The following UVSSA variants were observed in gnomAD, a reference collection of about 807,000 sequenced individuals.
UVSSA encodes UV-stimulated scaffold protein A.
A neutral mutation model predicts 73.9 loss-of-function variants in UVSSA; 72 were observed. The observed-to-expected ratio is 0.97, with a 90% CI of 0.81 to 1.19. The LOEUF (loss-of-function observed/expected upper bound fraction) is 1.19. UVSSA is among the 50% of genes most tolerant of loss of function. The pLI is 0.00. For missense variants in UVSSA, 1,150 were observed against 965.0 expected (o/e 1.19, Z -2.54); for synonymous variants, 454 against 391.3 (o/e 1.16, Z -1.89).
chr4:1,358,982 T>C (rs1050167286), intron 7 of UVSSA: 4 of 152,286 alleles, frequency 2.6e-5, no homozygotes, highest in Non-Finnish European at 4.4e-5. Context: ...GTCCTCGTGC[T>C]GTCTCCGGCC....
At chr4:1,355,297 A>G in intron 7 of UVSSA, 52 bp downstream of exon 7, 2 of 1,428,692 alleles carry the variant, frequency 1.4e-6, no homozygotes, top group Admixed American at 2.1e-5. Context: ...TCAGTGGGGG[A>G]GGAGAAGCTG....
At chr4:1,379,751 TG>T (rs1156415570) in intron 10 of UVSSA, among the ~76,000 whole-genome samples, 1 of 149,784 alleles carries the variant, frequency 6.7e-6, no homozygotes, top group African/African-American at 2.5e-5. Context: ...GTCGCGCGGC[TG>T]GTTCACGTGG....
chr4:1,378,456 C>T (rs541910452), intron 10 of UVSSA, among the ~76,000 whole-genome samples: 5 of 152,232 alleles, frequency 3.3e-5, no homozygotes, highest in East Asian at 3.9e-4. Context: ...GAGACTGAGG[C>T]GGGAGAATCG....
downstream of UVSSA, chr4:1,392,566 C>G (rs1720432626): frequency 6.6e-6 from 1 of 152,074 alleles, no homozygotes; most frequent in South Asian, 2.1e-4. Context: ...CTTGGTTGGC[C>G]CTCTTTTTCT....
chr4:1,353,425 C>T lies in UVSSA; in HGVS notation c.934+12C>T, dbSNP rs559247463. On this transcript the variant is annotated intron_variant, in intron 5 of 13. Transcript: ENST00000389851. ...GGAGCTCTGCTCAGGTAACTGCCTTCGCGGGGTCTCTGTGGCGCCACCCTG... is the reference window on the plus strand; with the variant it reads ...GGAGCTCTGCTCAGGTAACTGCCTTTGCGGGGTCTCTGTGGCGCCACCCTG... 101 of 1,474,950 alleles carry T rather than the reference C, an allele frequency of 6.8e-5. No individual in the cohort carries two copies. The East Asian group carries it at 9.2e-4, about 13-fold the overall frequency. The allele number at this position is 1,474,950 out of a possible 1,614,324, so 91.4% of individuals were successfully genotyped here.
Position 1,376,013 on chromosome 4 carries a change from T to A in UVSSA, c.1434-21T>A, listed in dbSNP as rs1370100959. On this transcript the variant is annotated intron_variant, in intron 9 of 13. Coordinates refer to ENST00000389851, the MANE Select transcript of UVSSA (RefSeq NM_020894.4). ...GGTGGCACCAGCAGCACCGTCAGGC[T>A]GTCCCACTCTGCTCCTGTAGCCCCT... 5 of 1,579,578 alleles carry A rather than the reference T, an allele frequency of 3.2e-6. No homozygotes were observed. The East Asian group carries it at 1.2e-4, about 37-fold the overall frequency.
intron 4 of UVSSA, 42 bp from the exon 5 acceptor site, chr4:1,352,988 C>T (rs1173563676): frequency 1.9e-6 from 3 of 1,563,322 alleles, no homozygotes; most frequent in East Asian, 2.3e-5. Context: ...GGTGCTTTTG[C>T]TCCACATAGC....
At chr4:1,353,722 C>G (rs1474345479) in intron 5 of UVSSA, among the ~76,000 whole-genome samples, 1 of 152,176 alleles carries the variant, frequency 6.6e-6, no homozygotes, top group Admixed American at 6.5e-5. Context: ...TGTTGCGGTC[C>G]TCAAAGGATG....
At chr4:1,380,261 T>C in intron 11 of UVSSA, 31 bp downstream of exon 11, 1 of 1,595,766 alleles carries the variant, frequency 6.3e-7, no homozygotes, top group Non-Finnish European at 8.6e-7. Context: ...CGGGGGTGGG[T>C]GTGGGCTGGA....
intron 7 of UVSSA, among the ~76,000 whole-genome samples, chr4:1,355,582 C>T (rs1715605417): frequency 6.6e-6 from 1 of 152,230 alleles, no homozygotes; most frequent in Non-Finnish European, 1.5e-5. Context: ...AGTGCGGCAC[C>T]TGTCCTGGCA....
intron 8 of UVSSA, 70 bp from the exon 9 acceptor site, chr4:1,375,294 C>T: frequency 6.3e-7 from 1 of 1,592,160 alleles, no homozygotes; most frequent in East Asian, 2.2e-5. Flanking sequence ...GTCCTAACTG[C>T]CCGGTCTTGC....
In UVSSA at chr4:1,395,746, C is replaced by T. The variant is rs375041221; in HGVS notation, c.*9785C>T. 1.0e-4 allele frequency: 164 copies of T among 1,614,214 alleles called. No homozygotes were observed. Among genetic ancestry groups the T allele is most frequent in the South Asian group, 8.9e-4 (81 of 91,084 alleles). ...TGGTTCTGTAGGTTTCCTGTCCTGCCGGCCGAGTCAGACGCTGTTACCGTA... is the reference window on the plus strand; with the variant it reads ...TGGTTCTGTAGGTTTCCTGTCCTGCTGGCCGAGTCAGACGCTGTTACCGTA... On this transcript the variant is annotated 3_prime_UTR_variant, in exon 14 of 14. Transcript: ENST00000511216.
intron 10 of UVSSA, among the ~76,000 whole-genome samples, chr4:1,377,472 C>T (rs565240901): frequency 2.2e-4 from 34 of 152,260 alleles, no homozygotes; most frequent in Admixed American, 1.1e-3. Flanking sequence ...GCAGGCTGCT[C>T]AGCGGCCGGA....
At chr4:1,342,559 T>TA (rs561609258), upstream of UVSSA, among the ~76,000 whole-genome samples, 83 of 150,094 alleles carry the variant, frequency 5.5e-4, no homozygotes, top group Admixed American at 2.5e-3. Context: ...TTCTATGTTC[T>TA]AAAAAAAAAA....
Position 1,386,026 on chromosome 4 carries a change from A to G in UVSSA, c.*65A>G. 3 of 1,548,824 alleles carry G rather than the reference A, an allele frequency of 1.9e-6. No homozygotes were observed. The highest frequency in any genetic ancestry group is 2.2e-5 in the East Asian group (1 of 44,548). On this transcript the variant is annotated 3_prime_UTR_variant, in exon 14 of 14. Transcript: ENST00000389851. ...CTCTGCCAGTGTCTCAGGACAGCAG[A>G]GTGGGCGTGGGTCTGGGCAGTAACC...
At chr4:1,371,666 G>A (rs1718053414) in intron 8 of UVSSA, among the ~76,000 whole-genome samples, 1 of 152,154 alleles carries the variant, frequency 6.6e-6, no homozygotes, top group Non-Finnish European at 1.5e-5. Flanking sequence ...GCAGGGAGAG[G>A]GCTTGTGCGG....
intron 6 of UVSSA, 107 bp from the exon 7 acceptor site, chr4:1,355,010 T>C: frequency 6.5e-7 from 1 of 1,542,652 alleles, no homozygotes; most frequent in East Asian, 2.3e-5. Flanking sequence ...ATCCCAGGTG[T>C]GCCAGGGACC....
chr4:1,380,374 G>A lies in UVSSA; in HGVS notation c.1752+144G>A, dbSNP rs747758814. 224 of 1,184,150 alleles carry A rather than the reference G, an allele frequency of 1.9e-4. No homozygotes were observed. The Middle Eastern group carries it at 4.1e-3, about 22-fold the overall frequency. The allele number at this position is 1,184,150 out of a possible 1,614,324, so 73.4% of individuals were successfully genotyped here. On this transcript the variant is annotated intron_variant, in intron 11 of 13. Coordinates refer to ENST00000389851, the MANE Select transcript of UVSSA (RefSeq NM_020894.4). The stretch of plus-strand genomic sequence containing the variant: ...CCCATGGAAGGGGCTTATCCGTGGT[G>A]GGCAGAAATTGCTTAGCCGTTGGCC...
intron 5 of UVSSA, 179 bp from the exon 6 acceptor site, chr4:1,354,556 C>T: frequency 4.9e-6 from 3 of 606,652 alleles, no homozygotes; most frequent in East Asian, 2.8e-5. Flanking sequence ...GTGTTCTTTT[C>T]TAAGATAATA....
Sources: gnomAD v4.1 joint callset for allele counts (sites outside exome capture counted in the v4.1 genomes callset) on GRCh38, gnomAD v4.1.1 for gene constraint, MANE v1.5 for transcripts, NCBI Gene and HGNC (gene_info 2026-07-23, HGNC 2026-07-21) for gene names.